The following BOP1 variants were observed in gnomAD, a reference collection of about 807,000 sequenced individuals.
The protein encoded by BOP1 is ribosome biogenesis protein BOP1.
BOP1 carries 54 observed loss-of-function variants against 82.9 expected under a neutral mutation model. The observed-to-expected ratio is 0.65, with a 90% CI of 0.52 to 0.82. The LOEUF (loss-of-function observed/expected upper bound fraction) is 0.82. Among genes scored for constraint, BOP1 ranks in the 40% least tolerant of loss-of-function variants. BOP1 has a pLI of 0.00. For synonymous variants in BOP1, 566 were observed against 451.1 expected (o/e 1.25, Z -3.23); for missense variants, 1,170 against 1,072.0 (o/e 1.09, Z -1.28).
At chr8:144,264,202 C>A in intron 7 of BOP1, 23 bp downstream of exon 7, 1 of 1,607,132 alleles carries the variant, frequency 6.2e-7, no homozygotes, top group East Asian at 2.2e-5. Context: ...GACAGGGTCC[C>A]GGCCCCCAGG....
At chr8:144,287,049 A>C (rs1441216664) in intron 2 of BOP1, among the ~76,000 whole-genome samples, 1 of 152,218 alleles carries the variant, frequency 6.6e-6, no homozygotes, top group Non-Finnish European at 1.5e-5. Flanking sequence ...TCACTCTGTC[A>C]CCCAGACTGG....
chr8:144,264,492 GC>G, intron 6 of BOP1, 22 bp downstream of exon 6: 1 of 1,608,918 alleles, frequency 6.2e-7, no homozygotes. Flanking sequence ...CCCAGGCCAA[GC>G]CCCAGGGGCT....
At chr8:144,268,087 C>T in intron 3 of BOP1, 2 of 1,550,312 alleles carry the variant, frequency 1.3e-6, no homozygotes, top group Non-Finnish European at 1.7e-6. Flanking sequence ...CCTGACACTC[C>T]TCCCTCCCCT....
chr8:144,287,879 T>C (rs1814924832), intron 2 of BOP1, among the ~76,000 whole-genome samples: 3 of 152,192 alleles, frequency 2.0e-5, no homozygotes, highest in Non-Finnish European at 4.4e-5. Context: ...CCTTGGCTTC[T>C]ATCACGGGGA....
At chr8:144,275,749 C>T (rs886959058) in intron 3 of BOP1, among the ~76,000 whole-genome samples, 1 of 152,164 alleles carries the variant, frequency 6.6e-6, no homozygotes. Flanking sequence ...AACATCAGGA[C>T]ATTAGGAGGT....
At chr8:144,277,984 C>A (rs587664061) in intron 2 of BOP1, among the ~76,000 whole-genome samples, 10 of 152,224 alleles carry the variant, frequency 6.6e-5, no homozygotes, top group Non-Finnish European at 1.3e-4. Context: ...GCCCACGCCA[C>A]GCTCCGGACT....
intron 3 of BOP1, among the ~76,000 whole-genome samples, chr8:144,272,409 C>G (rs1174180874): frequency 6.6e-6 from 1 of 152,174 alleles, no homozygotes; most frequent in Non-Finnish European, 1.5e-5. Context: ...GACGTACACC[C>G]AGACCCAGCT....
chr8:144,290,578 G>A (rs1433495353), intron 1 of BOP1, among the ~76,000 whole-genome samples: 1 of 152,180 alleles, frequency 6.6e-6, no homozygotes, highest in Non-Finnish European at 1.5e-5. Flanking sequence ...AATGGCATCC[G>A]TGGCCTGGGC....
At chr8:144,279,999 G>A (rs1845643433) in intron 2 of BOP1, among the ~76,000 whole-genome samples, 2 of 152,214 alleles carry the variant, frequency 1.3e-5, no homozygotes, top group African/African-American at 4.8e-5. Flanking sequence ...AGAACCCTCT[G>A]GGGCTCCCCG....
At chr8:144,271,525 C>T (rs1228330009) in intron 3 of BOP1, among the ~76,000 whole-genome samples, 2 of 152,118 alleles carry the variant, frequency 1.3e-5, no homozygotes, top group South Asian at 2.1e-4. Flanking sequence ...CCGCCTGTCT[C>T]GGAGCGCCAC....
chr8:144,270,106 G>A (rs1274885111), intron 3 of BOP1, among the ~76,000 whole-genome samples: 2 of 152,170 alleles, frequency 1.3e-5, no homozygotes, highest in Non-Finnish European at 2.9e-5. Context: ...AAATGGGATG[G>A]AAGATAGTGA....
In BOP1 at chr8:144,264,309, C is replaced by T. The variant is rs1401254717; in HGVS notation, c.894G>A (p.Met298Ile). The change falls in exon 7 of 16, where the codon ATG (methionine) becomes ATA (isoleucine). Residue 298 changes from methionine to isoleucine, a missense_variant. Coordinates refer to ENST00000569669, the MANE Select transcript of BOP1 (RefSeq NM_015201.5). Reference sequence around the variant, plus strand: ...GGGCCAGCTTGGGAGCAGGTACGTGCATCTTGTGGCGCCCGAGCACGGCGT... The same window carrying T: ...GGGCCAGCTTGGGAGCAGGTACGTGTATCTTGTGGCGCCCGAGCACGGCGT... The part of the protein sequence containing the change: ...DPNAVLGRHK[M>I]HVPAPKLALP... The T allele has an allele frequency of 1.2e-6, 2 of 1,610,662 alleles. No homozygotes were observed. The highest frequency in any genetic ancestry group is 1.7e-6 in the Non-Finnish European group (2 of 1,179,588).
Position 144,276,767 on chromosome 8 carries a change from C to A in BOP1, c.310-463G>T, listed in dbSNP as rs955831122. On this transcript the variant is annotated intron_variant, in intron 2 of 15. Coordinates refer to ENST00000569669, the MANE Select transcript of BOP1 (RefSeq NM_015201.5). ...GTCGGGGGGAAGAAGGAGACGCAGC[C>A]GTCGCAGCAGGGTCACTGGGGCCAA... is the stretch of plus-strand genomic sequence containing the variant. 2.0e-4 allele frequency among the ~76,000 whole-genome samples: 31 copies of A among 152,312 alleles called. 1 individual carries two copies. In the South Asian group the frequency reaches 6.0e-3, roughly 30 times the overall value.
At position 144,263,110 on chromosome 8, in the gene BOP1, C is replaced by A; in HGVS notation, c.1637G>T (p.Gly546Val). 1 of 1,593,438 alleles carries A rather than the reference C, an allele frequency of 6.3e-7. No homozygotes were observed. The change falls in exon 13 of 16, where the codon GGG becomes GTG. Residue 546 changes from glycine to valine, a missense_variant. By Grantham distance (109) the Gly-to-Val change is moderately radical. Coordinates refer to ENST00000569669, the MANE Select transcript of BOP1 (RefSeq NM_015201.5). ...PVTQVTWHGR[G>V]DYLAVVLATQ... Reference sequence around the variant, plus strand: ...GGCCAGCACCACGGCCAGGTAGTCCCCACGCCCGTGCCAGGTCACCTGCGT... The same window carrying A: ...GGCCAGCACCACGGCCAGGTAGTCCACACGCCCGTGCCAGGTCACCTGCGT...
chr8:144,270,335 C>T (rs1032220464), intron 3 of BOP1, among the ~76,000 whole-genome samples: 24 of 152,082 alleles, frequency 1.6e-4, no homozygotes, highest in African/African-American at 5.3e-4. Flanking sequence ...GGACTGGGGT[C>T]AGAGTTTGGG....
chr8:144,273,385 T>TCCAGGCC (rs1486241661), intron 3 of BOP1, among the ~76,000 whole-genome samples: 2 of 84,202 alleles, frequency 2.4e-5, no homozygotes, highest in African/African-American at 8.4e-5. Flanking sequence ...AGCCCCAGAC[T>TCCAGGCC]CCAGACTCCA....
intron 3 of BOP1, among the ~76,000 whole-genome samples, chr8:144,268,775 CAAGGCAGGGACGCTGT>C (rs1289158114): frequency 8.6e-5 from 13 of 152,028 alleles, no homozygotes; most frequent in Admixed American, 7.2e-4. Context: ...GGGCGAGGCA[CAAGGCAGGGACGCTGT>C]AAGGCAGGGA....
At chr8:144,277,194 C>A (rs1397252670) in intron 2 of BOP1, among the ~76,000 whole-genome samples, 2 of 152,162 alleles carry the variant, frequency 1.3e-5, no homozygotes, top group East Asian at 3.9e-4. Flanking sequence ...TCTCTCCGGC[C>A]CGGGCTCCTC....
In BOP1 at chr8:144,267,050, G is replaced by A; in HGVS notation, c.391-1979C>T. The A allele has an allele frequency of 2.7e-6, 4 of 1,495,756 alleles. No homozygotes were observed. In the Admixed American group the frequency reaches 6.2e-5, roughly 23 times the overall value. The allele number at this position is 1,495,756 out of a possible 1,614,324, so 92.7% of individuals were successfully genotyped here. Reference sequence around the variant, plus strand: ...GGCGACGGACAGCCCTGCCACTCCGGGCCCGCCTTCTTCCACGCGGCGCGC... The same window carrying A: ...GGCGACGGACAGCCCTGCCACTCCGAGCCCGCCTTCTTCCACGCGGCGCGC... On this transcript the variant is annotated intron_variant, in intron 3 of 15. Coordinates refer to ENST00000569669, the MANE Select transcript of BOP1 (RefSeq NM_015201.5).
Sources: gnomAD v4.1 joint callset for allele counts (sites outside exome capture counted in the v4.1 genomes callset) on GRCh38, gnomAD v4.1.1 for gene constraint, MANE v1.5 for transcripts, NCBI Gene and HGNC (gene_info 2026-07-23, HGNC 2026-07-21) for gene names.